The following DCC variants were observed in gnomAD, a reference collection of about 807,000 sequenced individuals.
DCC encodes DCC netrin 1 receptor.
A neutral mutation model predicts 172.5 loss-of-function variants in DCC; 58 were observed. The observed-to-expected ratio is 0.34, with a 90% CI of 0.27 to 0.42. The LOEUF (loss-of-function observed/expected upper bound fraction) is 0.42. Ranked by LOEUF, DCC falls within the 10% of genes least tolerant of loss-of-function variation. DCC has a pLI of 1.00. For synonymous variants in DCC, 709 were observed against 644.5 expected, an observed-to-expected ratio of 1.10 and a Z score of -1.52; for missense variants, 1,740 against 1,791.0, an observed-to-expected ratio of 0.97 and a Z score of 0.51.
At chr18:53,172,851 T>C (rs997530888) in intron 8 of DCC, among the ~76,000 whole-genome samples, 3 of 152,122 alleles carry the variant, frequency 2.0e-5, no homozygotes, top group Non-Finnish European at 4.4e-5. Flanking sequence ...ATACTAGATT[T>C]AGAGGAGGAA....
At chr18:53,156,486 CAAA>C (rs71175558) in intron 7 of DCC, among the ~76,000 whole-genome samples, 39 of 96,818 alleles carry the variant, frequency 4.0e-4, no homozygotes, top group African/African-American at 7.5e-4. Flanking sequence ...CCATCTCAAC[CAAA>C]AAAAAAAAAA....
chr18:53,385,654 T>C (rs562896492), intron 15 of DCC, among the ~76,000 whole-genome samples: 2 of 152,346 alleles, frequency 1.3e-5, no homozygotes, highest in East Asian at 1.9e-4. Context: ...TTTAGAATTA[T>C]CCTGTTTTTA....
intron 12 of DCC, among the ~76,000 whole-genome samples, chr18:53,247,770 T>A (rs1260759319): frequency 6.6e-6 from 1 of 152,022 alleles, no homozygotes; most frequent in Non-Finnish European, 1.5e-5. Flanking sequence ...GAAACTAGTC[T>A]ATTTGGTTTG....
chr18:53,486,427 G>A (rs1256238737), intron 25 of DCC, among the ~76,000 whole-genome samples: 1 of 152,098 alleles, frequency 6.6e-6, no homozygotes, highest in Non-Finnish European at 1.5e-5. Flanking sequence ...TATTTGATTT[G>A]TGAACAACCT....
chr18:52,506,109 T>G (rs1382791751), intron 1 of DCC, among the ~76,000 whole-genome samples: 1 of 152,144 alleles, frequency 6.6e-6, no homozygotes, highest in Non-Finnish European at 1.5e-5. Context: ...GGAAAAGTAT[T>G]AGGGTAATAG....
intron 1 of DCC, among the ~76,000 whole-genome samples, chr18:52,480,267 C>T (rs994590992): frequency 6.6e-6 from 1 of 152,166 alleles, no homozygotes; most frequent in Non-Finnish European, 1.5e-5. Flanking sequence ...GATAGATCTA[C>T]ATACCTTGGT....
intron 5 of DCC, among the ~76,000 whole-genome samples, chr18:53,019,826 A>G (rs2041854951): frequency 6.6e-6 from 1 of 152,312 alleles, no homozygotes; most frequent in Admixed American, 6.5e-5. Context: ...AGCAGACAGC[A>G]TGTAACCTAC....
chr18:53,250,210 A>C (rs990285367), intron 12 of DCC, among the ~76,000 whole-genome samples: 1 of 152,004 alleles, frequency 6.6e-6, no homozygotes, highest in Non-Finnish European at 1.5e-5. Flanking sequence ...TTCTATTACT[A>C]TAATTTCTTA....
intron 1 of DCC, among the ~76,000 whole-genome samples, chr18:52,411,762 C>T (rs879497252): frequency 1.1e-4 from 16 of 152,112 alleles, no homozygotes; most frequent in Admixed American, 5.9e-4. Context: ...GTCTGCCAAA[C>T]GGAGATAAGA....
At chr18:52,966,682 G>C (rs142814708) in intron 5 of DCC, among the ~76,000 whole-genome samples, 2,046 of 152,270 alleles carry the variant, frequency 0.013, 61 homozygotes, top group African/African-American at 0.047. Context: ...TTAGGCGACA[G>C]CTCTTCCATG....
chr18:52,572,353 AT>A (rs982232450), intron 1 of DCC, among the ~76,000 whole-genome samples: 2 of 151,250 alleles, frequency 1.3e-5, no homozygotes, highest in Non-Finnish European at 3.0e-5. Context: ...GCCCTGTCCC[AT>A]TTTTTTTTAA....
chr18:53,335,582 A>G lies in DCC; in HGVS notation c.2165-4131A>G, dbSNP rs561866482. 3.9e-5 allele frequency among the ~76,000 whole-genome samples: 6 copies of G among 152,296 alleles called. No homozygotes were observed. In the South Asian group the frequency reaches 6.2e-4, roughly 16 times the overall value. Reference sequence around the variant, plus strand: ...TACAAAGAATAACATGCCTACATACATGTTACAGAAAATAACATGTTCTTT... The same window carrying G: ...TACAAAGAATAACATGCCTACATACGTGTTACAGAAAATAACATGTTCTTT... On this transcript the variant is annotated intron_variant, in intron 14 of 28. Coordinates refer to ENST00000442544, the MANE Select transcript of DCC (RefSeq NM_005215.4).
intron 7 of DCC, among the ~76,000 whole-genome samples, chr18:53,072,796 C>T (rs2042673598): frequency 6.6e-6 from 1 of 152,140 alleles, no homozygotes. Flanking sequence ...GCATATTTGG[C>T]TGTGTGGTGG....
At chr18:52,860,206 T>G (rs1490143098) in intron 2 of DCC, among the ~76,000 whole-genome samples, 1 of 152,252 alleles carries the variant, frequency 6.6e-6, no homozygotes, top group Non-Finnish European at 1.5e-5. Flanking sequence ...TGGCAATGTT[T>G]CTGGATTGTA....
intron 1 of DCC, among the ~76,000 whole-genome samples, chr18:52,740,989 G>T (rs1199617969): frequency 6.6e-6 from 1 of 152,172 alleles, no homozygotes; most frequent in Non-Finnish European, 1.5e-5. Flanking sequence ...TGAGTGAATT[G>T]ATTCCCAGTG....
chr18:52,451,551 T>C (rs971557811), intron 1 of DCC, among the ~76,000 whole-genome samples: 12 of 152,308 alleles, frequency 7.9e-5, no homozygotes, highest in East Asian at 7.7e-4. Flanking sequence ...AGTAGGTTTA[T>C]TGTGCTCTGT....
chr18:52,428,231 C>T (rs1987507405), intron 1 of DCC, among the ~76,000 whole-genome samples: 2 of 151,968 alleles, frequency 1.3e-5, no homozygotes, highest in Non-Finnish European at 2.9e-5. Context: ...CATTGCTGTC[C>T]TGCTTAATGA....
At chr18:53,338,717 CAT>C (rs1200170383) in intron 14 of DCC, among the ~76,000 whole-genome samples, 2 of 152,134 alleles carry the variant, frequency 1.3e-5, no homozygotes, top group East Asian at 1.9e-4. Context: ...ATTATTAAAA[CAT>C]ATTAATTTTC....
At chr18:53,249,619 A>T (rs117319540) in intron 12 of DCC, among the ~76,000 whole-genome samples, 3,062 of 152,072 alleles carry the variant, frequency 0.02, 36 homozygotes, top group Middle Eastern at 0.027. Flanking sequence ...ACCATCTAAG[A>T]CAAAAATAAA....
Sources: gnomAD v4.1 joint callset for allele counts (sites outside exome capture counted in the v4.1 genomes callset) on GRCh38, gnomAD v4.1.1 for gene constraint, MANE v1.5 for transcripts, NCBI Gene and HGNC (gene_info 2026-07-23, HGNC 2026-07-21) for gene names.